SPAG16: variants seen among roughly 807,000 people sequenced by gnomAD.
SPAG16 encodes the protein sperm-associated antigen 16 protein.
In SPAG16, 86 loss-of-function variants were observed where a neutral mutation model predicts 80.4. The ratio of observed to expected loss-of-function variants is 1.07; its 90% CI spans 0.90 to 1.28. The LOEUF (loss-of-function observed/expected upper bound fraction) is 1.28. SPAG16 is among the 50% of genes most tolerant of loss of function. The probability of loss-of-function intolerance (pLI) is 0.00; values close to 1 mark genes in which losing one functional copy is unlikely to be tolerated. For missense variants in SPAG16, 870 were observed against 765.3 expected (o/e 1.14, Z -1.61); for synonymous variants, 294 against 265.9 (o/e 1.11, Z -1.03).
At chr2:213,809,988 C>T (rs2072028105) in intron 10 of SPAG16, among the ~76,000 whole-genome samples, 1 of 152,084 alleles carries the variant, frequency 6.6e-6, no homozygotes, top group African/African-American at 2.4e-5. Context: ...CACCATGGCA[C>T]CCACGCATCG....
At chr2:213,344,969 A>C (rs893203081) in intron 6 of SPAG16, among the ~76,000 whole-genome samples, 6 of 152,206 alleles carry the variant, frequency 3.9e-5, no homozygotes, top group Admixed American at 2.6e-4. Flanking sequence ...GACTTCCACA[A>C]TGGTTGAACT....
At chr2:214,053,938 T>G (rs2049796011) in intron 13 of SPAG16, among the ~76,000 whole-genome samples, 1 of 152,234 alleles carries the variant, frequency 6.6e-6, no homozygotes, top group Non-Finnish European at 1.5e-5. Flanking sequence ...TTTTATGTGC[T>G]AAGTAGAATT....
intron 10 of SPAG16, among the ~76,000 whole-genome samples, chr2:213,596,642 G>C (rs1377326828): frequency 3.3e-5 from 5 of 152,096 alleles, no homozygotes; most frequent in Admixed American, 1.3e-4. Flanking sequence ...TTAAGATTAA[G>C]GATTCTAAGT....
chr2:214,013,863 A>C (rs895956032), intron 12 of SPAG16, 88 bp from the exon 13 acceptor site: 4 of 1,322,972 alleles, frequency 3.0e-6, no homozygotes, highest in Non-Finnish European at 4.0e-6. Context: ...AAATTATTTC[A>C]TGCCTCAGTT....
intron 9 of SPAG16, among the ~76,000 whole-genome samples, chr2:213,412,925 A>G (rs542996311): frequency 6.4e-4 from 98 of 152,344 alleles, no homozygotes; most frequent in African/African-American, 2.3e-3. Flanking sequence ...AATTTAAAAC[A>G]TTATTATTAA....
intron 15 of SPAG16, among the ~76,000 whole-genome samples, chr2:214,221,909 G>A (rs2058580943): frequency 6.6e-6 from 1 of 150,732 alleles, no homozygotes; most frequent in Non-Finnish European, 1.5e-5. Flanking sequence ...ACTGTTTAAG[G>A]ATTACATTAA....
At chr2:214,168,410 A>G (rs1360336746) in intron 15 of SPAG16, among the ~76,000 whole-genome samples, 1 of 152,150 alleles carries the variant, frequency 6.6e-6, no homozygotes, top group Non-Finnish European at 1.5e-5. Context: ...TGAATAAGGC[A>G]TAAGTCTCTG....
chr2:214,315,255 T>C (rs1695593124), intron 15 of SPAG16, among the ~76,000 whole-genome samples: 1 of 152,168 alleles, frequency 6.6e-6, no homozygotes, highest in African/African-American at 2.4e-5. Context: ...TTAACAACAT[T>C]TCTCAAAACC....
At chr2:213,816,031 A>T (rs2072511614) in intron 10 of SPAG16, among the ~76,000 whole-genome samples, 1 of 152,144 alleles carries the variant, frequency 6.6e-6, no homozygotes. Context: ...AGCTAGATAG[A>T]TTTTCATGAA....
intron 13 of SPAG16, among the ~76,000 whole-genome samples, chr2:214,042,093 CTT>C (rs1385454573): frequency 7.5e-6 from 1 of 134,144 alleles, no homozygotes. Context: ...TTTTCTTTTT[CTT>C]TTTTTTTTGA....
At chr2:213,685,665 G>T (rs1179793409) in intron 10 of SPAG16, among the ~76,000 whole-genome samples, 1 of 152,162 alleles carries the variant, frequency 6.6e-6, no homozygotes, top group African/African-American at 2.4e-5. Flanking sequence ...CAATAGGCAG[G>T]GACAAGACAA....
intron 9 of SPAG16, among the ~76,000 whole-genome samples, chr2:213,441,858 A>G (rs1325484049): frequency 6.6e-6 from 1 of 152,208 alleles, no homozygotes; most frequent in Non-Finnish European, 1.5e-5. Flanking sequence ...ATTTGAAATT[A>G]AAAACACGGC....
intron 15 of SPAG16, among the ~76,000 whole-genome samples, chr2:214,244,505 T>C (rs1183196018): frequency 2.0e-5 from 3 of 151,652 alleles, no homozygotes; most frequent in Non-Finnish European, 2.9e-5. Context: ...GAGGCCCTGA[T>C]AGGAAGCCAA....
At chr2:213,403,023 A>C (rs1490168619) in intron 9 of SPAG16, among the ~76,000 whole-genome samples, 2 of 151,854 alleles carry the variant, frequency 1.3e-5, no homozygotes, top group Non-Finnish European at 2.9e-5. Flanking sequence ...ACAATGGTTG[A>C]ACTAGTTTAC....
intron 10 of SPAG16, among the ~76,000 whole-genome samples, chr2:213,608,636 G>C (rs1053396321): frequency 6.6e-6 from 1 of 152,194 alleles, no homozygotes; most frequent in Admixed American, 6.5e-5. Context: ...AGAAACATTC[G>C]TGTGTATGTG....
chr2:214,080,607 C>CAA (rs34792958), intron 13 of SPAG16, among the ~76,000 whole-genome samples: 83 of 77,494 alleles, frequency 1.1e-3, no homozygotes, highest in Admixed American at 2.0e-3. Flanking sequence ...GACTCTGTCT[C>CAA]AAAAAAAAAA....
At chr2:213,665,493 A>T (rs946173155) in intron 10 of SPAG16, among the ~76,000 whole-genome samples, 19 of 152,250 alleles carry the variant, frequency 1.2e-4, no homozygotes, top group African/African-American at 4.3e-4. Context: ...CACAAGAAAG[A>T]TTGCAAATTT....
intron 15 of SPAG16, among the ~76,000 whole-genome samples, chr2:214,252,983 G>T (rs1690407510): frequency 1.3e-5 from 2 of 151,920 alleles, no homozygotes; most frequent in South Asian, 4.1e-4. Flanking sequence ...TTTAATGATT[G>T]CCGTTCTAAG....
intron 10 of SPAG16, among the ~76,000 whole-genome samples, chr2:213,702,714 G>A (rs2065524400): frequency 6.6e-6 from 1 of 152,102 alleles, no homozygotes; most frequent in South Asian, 2.1e-4. Flanking sequence ...CCAGTACAGT[G>A]AATTACAAGG....
Sources: allele counts gnomAD v4.1 joint callset (sites outside exome capture counted in the v4.1 genomes callset), GRCh38; gene constraint gnomAD v4.1.1; transcripts MANE v1.5; gene names NCBI Gene and HGNC (gene_info 2026-07-23, HGNC 2026-07-21).